The following SLC22A16 variants were observed in gnomAD, a reference collection of about 807,000 sequenced individuals.
SLC22A16 encodes solute carrier family 22 member 16.
A neutral mutation model predicts 52.9 loss-of-function variants in SLC22A16; 53 were observed. The observed-to-expected ratio is 1.00, with a 90% CI of 0.80 to 1.26. The LOEUF (loss-of-function observed/expected upper bound fraction) is 1.26, where lower values mean the gene tolerates loss of function less well. Among genes scored for constraint, SLC22A16 ranks in the 50% most tolerant of loss-of-function variants. The probability of loss-of-function intolerance (pLI) is 0.00; values close to 1 mark genes in which losing one functional copy is unlikely to be tolerated. For missense variants in SLC22A16, 726 were observed against 704.0 expected (o/e 1.03, Z -0.35); for synonymous variants, 291 against 268.8 (o/e 1.08, Z -0.81).
chr6:110,425,621 G>A (rs1317688270), intron 7 of SLC22A16, among the ~76,000 whole-genome samples: 2 of 152,172 alleles, frequency 1.3e-5, no homozygotes, highest in African/African-American at 4.8e-5. Flanking sequence ...CTAAACAAAG[G>A]CAGTGAAAAC....
chr6:110,436,076 A>G, intron 5 of SLC22A16, 115 bp from the exon 6 acceptor site: 1 of 672,286 alleles, frequency 1.5e-6, no homozygotes, highest in Non-Finnish European at 2.6e-6. Flanking sequence ...TTTCAGAACA[A>G]TGAAGACCCT....
chr6:110,425,873 A>G (rs915055784), intron 7 of SLC22A16, among the ~76,000 whole-genome samples: 1 of 152,284 alleles, frequency 6.6e-6, no homozygotes, highest in African/African-American at 2.4e-5. Flanking sequence ...CCGTAAAAAC[A>G]CAATCTGTCC....
At chr6:110,468,083 C>T (rs1460447549) in intron 1 of SLC22A16, among the ~76,000 whole-genome samples, 6 of 152,236 alleles carry the variant, frequency 3.9e-5, no homozygotes, top group Non-Finnish European at 8.8e-5. Context: ...GTCATGTTGG[C>T]CACAGTTTCA....
rs1476727414 is a variant in SLC22A16, at chr6:110,442,272, G to A, written c.1155C>T (p.Gly385=). The A allele has an allele frequency of 6.2e-7, 1 of 1,613,916 alleles. No homozygotes were observed. Among genetic ancestry groups the A allele is most frequent in the Non-Finnish European group, 8.5e-7 (1 of 1,180,008 alleles). The part of the protein sequence containing the change: ...SFSLNSVNLG[G]NEYLNLFLLG... ...GGAGGAAGAGGTTTAAGTATTCATT[G>A]CCTCCTAAGTTAACAGAATTCAAGG... Residue 385 remains glycine, a synonymous_variant, in exon 4 of 8, where the codon GGC becomes GGT. Transcript: ENST00000368919.
chr6:110,430,842 G>A (rs1252094832), intron 7 of SLC22A16, among the ~76,000 whole-genome samples: 1 of 152,242 alleles, frequency 6.6e-6, no homozygotes, highest in Non-Finnish European at 1.5e-5. Flanking sequence ...CAGGCCAGCG[G>A]GTGGGGGCAG....
At chr6:110,447,180 G>A (rs1220861425) in intron 2 of SLC22A16, among the ~76,000 whole-genome samples, 190 bp from the exon 3 acceptor site, 2 of 152,160 alleles carry the variant, frequency 1.3e-5, no homozygotes, top group African/African-American at 4.8e-5. Context: ...CTGTTCAGTG[G>A]AGAGGCCTTT....
Position 110,438,866 on chromosome 6 carries a change from C to A in SLC22A16, c.1184-19G>T, listed in dbSNP as rs767947416. 1 of 1,612,966 alleles carries A rather than the reference C, an allele frequency of 6.2e-7. No individual in the cohort carries two copies. The highest frequency in any genetic ancestry group is 1.1e-5 in the South Asian group (1 of 90,902). Reference sequence around the variant, plus strand: ...ACTACACCTGTCATTGAGCAAGCAGCCCTCTATAAGTCTAGGTACCCGACT... The same window carrying A: ...ACTACACCTGTCATTGAGCAAGCAGACCTCTATAAGTCTAGGTACCCGACT... On this transcript the variant is annotated intron_variant, in intron 4 of 7. Coordinates refer to ENST00000368919, the MANE Select transcript of SLC22A16 (RefSeq NM_033125.4).
intron 2 of SLC22A16, among the ~76,000 whole-genome samples, chr6:110,454,805 A>ATATTATATGT (rs1775555997): frequency 1.5e-5 from 1 of 67,266 alleles, no homozygotes; most frequent in African/African-American, 6.6e-5. Context: ...TATATAATAT[A>ATATTATATGT]TATATTATAT....
Position 110,468,057 on chromosome 6 carries a change from A to G in SLC22A16, c.53+8465T>C, listed in dbSNP as rs1776132274. 4.6e-5 allele frequency among the ~76,000 whole-genome samples: 7 copies of G among 152,388 alleles called. No homozygotes were observed. The South Asian group carries it at 1.4e-3, about 32-fold the overall frequency. On this transcript the variant is annotated intron_variant, in intron 1 of 7. Coordinates refer to ENST00000368919, the MANE Select transcript of SLC22A16 (RefSeq NM_033125.4). ...ATGAATTTGAAGTCTTGTGGCTATC[A>G]GGACACCACAGGCTGGTCATGTTGG...
Position 110,438,981 on chromosome 6 carries a change from A to C in SLC22A16, c.1184-134T>G. On this transcript the variant is annotated intron_variant, in intron 4 of 7. Transcript: ENST00000368919. ...CTGGGGCCTTTAGAAACTCTCTAAGAATTGCTGCGAGGCAGCCAGCCCCGC... is the reference window on the plus strand; with the variant it reads ...CTGGGGCCTTTAGAAACTCTCTAAGCATTGCTGCGAGGCAGCCAGCCCCGC... 5 of 1,129,728 alleles carry C rather than the reference A, an allele frequency of 4.4e-6. No homozygotes were observed. In the South Asian group the frequency reaches 8.5e-5, roughly 19 times the overall value. 70.0% of individuals were successfully genotyped at this position (1,129,728 alleles called of 1,614,324 possible).
In SLC22A16 at chr6:110,430,097, T is replaced by C. The variant is rs889045488; in HGVS notation, c.1521+1074A>G. 5.3e-5 allele frequency among the ~76,000 whole-genome samples: 8 copies of C among 152,086 alleles called. No homozygotes were observed. The South Asian group carries it at 1.5e-3, about 28-fold the overall frequency. ...ACTGGGTCATGGCCATGGTGCCTTC[T>C]GTGCTACCCAGACAGGGTGGGGGAT... On this transcript the variant is annotated intron_variant, in intron 7 of 7. Coordinates refer to ENST00000368919, the MANE Select transcript of SLC22A16 (RefSeq NM_033125.4).
intron 1 of SLC22A16, among the ~76,000 whole-genome samples, chr6:110,463,524 A>AAAAAAAAAAAAAAAAAAC (rs1775963356): frequency 1.3e-5 from 2 of 149,692 alleles, no homozygotes; most frequent in Non-Finnish European, 1.5e-5. Context: ...TAAAAAAAAA[A>AAAAAAAAAAAAAAAAAAC]AAAAAAAAAA....
chr6:110,431,873 A>G (rs1774520281), intron 6 of SLC22A16, among the ~76,000 whole-genome samples: 1 of 152,240 alleles, frequency 6.6e-6, no homozygotes, highest in Non-Finnish European at 1.5e-5. Flanking sequence ...TCTGCTGTGC[A>G]GGTGAGGCCC....
At chr6:110,472,782 T>A (rs72939941) in intron 1 of SLC22A16, among the ~76,000 whole-genome samples, 17,982 of 152,072 alleles carry the variant, frequency 0.12, 1,358 homozygotes, top group East Asian at 0.28. Flanking sequence ...GATATGACAC[T>A]CTAATGGAAA....
chr6:110,438,623 C>T (rs73764916), intron 5 of SLC22A16, 97 bp downstream of exon 5: 52,500 of 1,310,086 alleles, frequency 0.04, 1,552 homozygotes, highest in African/African-American at 0.15. Context: ...CCAAATCATA[C>T]TCTGAATTGA....
chr6:110,474,639 T>A (rs1776394976), intron 1 of SLC22A16, among the ~76,000 whole-genome samples: 1 of 152,242 alleles, frequency 6.6e-6, no homozygotes, highest in African/African-American at 2.4e-5. Context: ...CTAAGAGCTG[T>A]CTCCTCAAAC....
chr6:110,456,057 G>C (rs934447060), intron 2 of SLC22A16: 1 of 153,350 alleles, frequency 6.5e-6, no homozygotes. Flanking sequence ...GACTAAAAGG[G>C]GCTGTTATAT....
At chr6:110,427,435 T>C (rs1774309889) in intron 7 of SLC22A16, among the ~76,000 whole-genome samples, 1 of 152,170 alleles carries the variant, frequency 6.6e-6, no homozygotes, top group African/African-American at 2.4e-5. Context: ...GAATAGTATC[T>C]GTCGCAAACG....
chr6:110,425,217 T>C, intron 7 of SLC22A16, 132 bp from the exon 8 acceptor site: 1 of 1,518,484 alleles, frequency 6.6e-7, no homozygotes, highest in African/African-American at 1.4e-5. Context: ...CTGTGATTAC[T>C]CGGTGAGATC....
Sources: gnomAD v4.1 joint callset for allele counts (sites outside exome capture counted in the v4.1 genomes callset) on GRCh38, gnomAD v4.1.1 for gene constraint, MANE v1.5 for transcripts, NCBI Gene and HGNC (gene_info 2026-07-23, HGNC 2026-07-21) for gene names.